The following CHI3L1 variants were observed in gnomAD, a reference collection of about 807,000 sequenced individuals.
CHI3L1 encodes chitinase-3-like protein 1.
Under a neutral mutation model 40.7 loss-of-function variants are expected in CHI3L1, and 30 were observed. That is an observed-to-expected ratio of 0.74 (90% CI 0.55 to 1.00). CHI3L1 has a LOEUF of 1.00. Ranked by LOEUF, CHI3L1 falls within the 50% of genes least tolerant of loss-of-function variation. The pLI, the probability that CHI3L1 is intolerant of heterozygous loss-of-function variation, is 0.00. For missense variants in CHI3L1, 493 were observed against 492.2 expected, an observed-to-expected ratio of 1.00 and a Z score of -0.01; for synonymous variants, 210 against 192.1, an observed-to-expected ratio of 1.09 and a Z score of -0.77.
chr1:203,179,686 G>T, intron 9 of CHI3L1, 75 bp downstream of exon 9: 1 of 1,614,040 alleles, frequency 6.2e-7, no homozygotes, highest in East Asian at 2.2e-5. Context: ...CAGTGCAAGG[G>T]ACAGGAATCT....
chr1:203,179,712 G>A, intron 9 of CHI3L1, 49 bp downstream of exon 9: 1 of 1,614,104 alleles, frequency 6.2e-7, no homozygotes, highest in Non-Finnish European at 8.5e-7. Context: ...CTGGGAGCGG[G>A]GCCTCCTTCT....
At position 203,179,462 on chromosome 1, in the gene CHI3L1, C is replaced by T. The variant is rs755942899; in HGVS notation, c.1135G>A (p.Ala379Thr). Residue 379 changes from alanine to threonine, a missense_variant, in exon 10 of 10, where the codon GCA becomes ACA. Transcript: ENST00000255409. ...ACAGAGGGCTACGTTGCAGCGAGTG[C>T]ATCCTTGATGGCATTGGTGAGAGGG... ...RFPLTNAIKD[A>T]LAAT 3.2e-6 allele frequency: 5 copies of T among 1,541,772 alleles called. No homozygotes were observed. The African/African-American group carries it at 5.5e-5, about 17-fold the overall frequency.
chr1:203,179,913 T>C (rs545787006), intron 8 of CHI3L1, 36 bp from the exon 9 acceptor site: 8 of 1,603,338 alleles, frequency 5.0e-6, no homozygotes, highest in East Asian at 4.5e-5. Context: ...GTGTGGGGAG[T>C]CGTGCCGAGA....
At chr1:203,184,665 G>C (rs1433150564) in intron 3 of CHI3L1, 33 bp from the exon 4 acceptor site, 1 of 1,589,874 alleles carries the variant, frequency 6.3e-7, no homozygotes, top group Non-Finnish European at 8.6e-7. Flanking sequence ...GAGGGCAGGA[G>C]TGGAATGACA....
chr1:203,184,690 G>A, intron 3 of CHI3L1, 58 bp from the exon 4 acceptor site: 1 of 1,485,538 alleles, frequency 6.7e-7, no homozygotes, highest in Non-Finnish European at 9.4e-7. Flanking sequence ...CATGACACTG[G>A]GTGGCCCCAT....
chr1:203,183,112 G>A (rs77886989), intron 5 of CHI3L1, among the ~76,000 whole-genome samples: 4 of 152,162 alleles, frequency 2.6e-5, no homozygotes, highest in Admixed American at 1.3e-4. Flanking sequence ...AGGGAGCATC[G>A]GACAGTGGGT....
intron 7 of CHI3L1, 108 bp from the exon 8 acceptor site, chr1:203,180,760 G>C: frequency 1.3e-6 from 1 of 776,042 alleles, no homozygotes; most frequent in East Asian, 3.0e-5. Context: ...TGGTGCACTG[G>C]GGATTCCCCT....
At chr1:203,184,318 T>A (rs1387004692) in intron 4 of CHI3L1, among the ~76,000 whole-genome samples, 1 of 152,166 alleles carries the variant, frequency 6.6e-6, no homozygotes, top group Non-Finnish European at 1.5e-5. Flanking sequence ...TTCGGGCCTG[T>A]GAGGTAGTAA....
At chr1:203,184,775 A>T in intron 3 of CHI3L1, 143 bp from the exon 4 acceptor site, 1 of 668,882 alleles carries the variant, frequency 1.5e-6, no homozygotes, top group Non-Finnish European at 2.7e-6. Flanking sequence ...CCCATAGGAC[A>T]TCATGGGAAT....
rs749409296 is a variant in CHI3L1 at position 203,180,572 on chromosome 1, G to T, written c.792C>A (p.Ser264Arg). ...LVMGIPTFGR[S>R]FTLASSETGV... ...CAGTCTCAGAAGAAGCCAGAGTGAA[G>T]CTCCTCCCGAAGGTGGGGATGCCCA... The change falls in exon 8 of 10, where the codon AGC becomes AGA. Residue 264 changes from serine (S) to arginine (R), a missense_variant. By Grantham distance (110) the Ser-to-Arg change is moderately radical (BLOSUM62 -1). Coordinates refer to ENST00000255409, the MANE Select transcript of CHI3L1 (RefSeq NM_001276.4). The T allele has an allele frequency of 1.2e-6, 2 of 1,611,828 alleles. No individual in the cohort carries two copies. Among genetic ancestry groups the T allele is most frequent in the East Asian group, 4.5e-5 (2 of 44,742 alleles).
At chr1:203,185,160 T>A (rs765810775) in intron 3 of CHI3L1, 24 bp downstream of exon 3, 1 of 1,609,356 alleles carries the variant, frequency 6.2e-7, no homozygotes, top group Non-Finnish European at 8.5e-7. Context: ...TGGTCCCTCC[T>A]CTCCTGGCCA....
chr1:203,184,680 C>T, intron 3 of CHI3L1, 48 bp from the exon 4 acceptor site: 1 of 1,532,098 alleles, frequency 6.5e-7, no homozygotes, highest in Non-Finnish European at 9.0e-7. Context: ...ATGACATTGT[C>T]ATGACACTGG....
Position 203,181,258 on chromosome 1 carries a change from G to T in CHI3L1, c.615C>A (p.Thr205=). The T allele has an allele frequency of 6.2e-7, 1 of 1,614,068 alleles. No homozygotes were observed. The highest frequency in any genetic ancestry group is 8.5e-7 in the Non-Finnish European group (1 of 1,179,954). The change falls in exon 7 of 10, where the codon ACC becomes ACA. Residue 205 remains threonine (T), a synonymous_variant. Transcript: ENST00000255409. ...SQHLDFISIM[T]YDFHGAWRGT... is the part of the protein sequence containing the mutation. ...CACGCCAGGCTCCATGAAAATCGTAGGTCATGATGCTAATGAAATCCAGGT... is the reference window on the plus strand; with the variant it reads ...CACGCCAGGCTCCATGAAAATCGTATGTCATGATGCTAATGAAATCCAGGT...
chr1:203,180,671 G>GC lies in CHI3L1; in HGVS notation c.712-20_712-19insG. On this transcript the variant is annotated intron_variant, in intron 7 of 9. Coordinates refer to ENST00000255409, the MANE Select transcript of CHI3L1 (RefSeq NM_001276.4). Reference sequence around the variant, plus strand: ...CATAGTCCTGGGTGGGGTAGGGTGGGAACAACGTGAGCAGTTAGTGCACAG... The same window carrying GC: ...CATAGTCCTGGGTGGGGTAGGGTGGGCAACAACGTGAGCAGTTAGTGCACAG... 4.4e-5 allele frequency: 32 copies of GC among 728,444 alleles called. No individual in the cohort carries two copies. The highest frequency in any genetic ancestry group is 6.8e-5 in the Non-Finnish European group (29 of 427,520). 45.1% of individuals were successfully genotyped at this position (728,444 alleles called of 1,614,324 possible).
chr1:203,186,500 A>C (rs1656059019), intron 1 of CHI3L1, 99 bp downstream of exon 1: 2 of 1,321,474 alleles, frequency 1.5e-6, no homozygotes, highest in East Asian at 3.9e-5. Flanking sequence ...CCCTCTGCCC[A>C]CTCCCTTAGT....
At position 203,185,384 on chromosome 1, in the gene CHI3L1, G is replaced by A. The variant is rs182806418; in HGVS notation, c.57C>T (p.Cys19=). 3.8e-5 allele frequency: 62 copies of A among 1,613,886 alleles called. No individual in the cohort carries two copies. In the East Asian group the frequency reaches 1.0e-3, roughly 27 times the overall value. Residue 19 remains cysteine (C), a splice_region_variant and synonymous_variant, in exon 3 of 10, where the codon TGC becomes TGT. Coordinates refer to ENST00000255409, the MANE Select transcript of CHI3L1 (RefSeq NM_001276.4). ...AGTAGCAGACCAGTTTGTATGCAGA[G>A]CCTGAAGGAGAAGTCTGGGATGGGG... ...GFVVLVLLQC[C]SAYKLVCYYT... is the part of the protein sequence containing the mutation.
chr1:203,183,478 T>G (rs1655988287), intron 5 of CHI3L1, among the ~76,000 whole-genome samples, 163 bp downstream of exon 5: 1 of 152,116 alleles, frequency 6.6e-6, no homozygotes, highest in African/African-American at 2.4e-5. Flanking sequence ...GAAGCCTTCC[T>G]TGCTATGTGA....
In CHI3L1 at chr1:203,180,671, G is replaced by GTGGC; in HGVS notation, c.712-20_712-19insGCCA. 2.7e-6 allele frequency: 2 copies of GTGGC among 728,554 alleles called. No homozygotes were observed. Among genetic ancestry groups the GTGGC allele is most frequent in the Non-Finnish European group, 4.7e-6 (2 of 427,614 alleles). The allele number at this position is 728,554 out of a possible 1,614,324, so 45.1% of individuals were successfully genotyped here. A position where few individuals can be genotyped will look rare whatever the true frequency, so the allele number is the denominator to read the frequency against. ...CATAGTCCTGGGTGGGGTAGGGTGG[G>GTGGC]AACAACGTGAGCAGTTAGTGCACAG... On this transcript the variant is annotated intron_variant, in intron 7 of 9. Transcript: ENST00000255409.
At chr1:203,186,423 A>AACC in intron 1 of CHI3L1, 78 bp from the exon 2 acceptor site, 8 of 1,320,870 alleles carry the variant, frequency 6.1e-6, no homozygotes, top group Admixed American at 2.1e-5. Flanking sequence ...AGCAACTGAG[A>AACC]CCCACCTCCC....
Sources: gnomAD v4.1 joint callset for allele counts (sites outside exome capture counted in the v4.1 genomes callset) on GRCh38, gnomAD v4.1.1 for gene constraint, MANE v1.5 for transcripts, NCBI Gene and HGNC (gene_info 2026-07-23, HGNC 2026-07-21) for gene names.